ATP6V1A: variants seen among roughly 807,000 people sequenced by gnomAD.
ATP6V1A encodes the protein V-type proton ATPase catalytic subunit A.
Under a neutral mutation model 70.1 loss-of-function variants are expected in ATP6V1A, and 18 were observed. That is an observed-to-expected ratio of 0.26 (90% CI 0.18 to 0.38). ATP6V1A has a LOEUF of 0.38. Ranked by LOEUF, ATP6V1A falls within the 10% of genes least tolerant of loss-of-function variation. The pLI is 1.00. For synonymous variants in ATP6V1A, 232 were observed against 253.8 expected (o/e 0.91, Z 0.82); for missense variants, 424 against 772.4 (o/e 0.55, Z 5.35).
intron 1 of ATP6V1A, among the ~76,000 whole-genome samples, chr3:113,750,814 A>T (rs1014221303): frequency 5.9e-5 from 9 of 152,336 alleles, no homozygotes; most frequent in Admixed American, 2.0e-4. Flanking sequence ...CACAGAATTG[A>T]CTGATGTCCC....
At chr3:113,784,095 G>A (rs1559756030) in intron 3 of ATP6V1A, 129 bp from the exon 4 acceptor site, 6 of 800,742 alleles carry the variant, frequency 7.5e-6, no homozygotes, top group South Asian at 5.3e-5. Flanking sequence ...TATGAATCCT[G>A]TGAACTGAGA....
chr3:113,756,971 CTTTA>C (rs1388433285), intron 1 of ATP6V1A, among the ~76,000 whole-genome samples: 1 of 152,074 alleles, frequency 6.6e-6, no homozygotes, highest in African/African-American at 2.4e-5. Context: ...TAGCGAGGAG[CTTTA>C]TTTAGATGAG....
intron 1 of ATP6V1A, among the ~76,000 whole-genome samples, chr3:113,751,424 GGAAA>G (rs1277757385): frequency 2.6e-5 from 4 of 151,376 alleles, no homozygotes; most frequent in Non-Finnish European, 4.4e-5. Flanking sequence ...TTTGTCTTAA[GGAAA>G]GATTTTATTA....
intron 6 of ATP6V1A, among the ~76,000 whole-genome samples, chr3:113,788,176 G>T (rs1218106543): frequency 6.6e-6 from 1 of 152,266 alleles, no homozygotes; most frequent in Non-Finnish European, 1.5e-5. Flanking sequence ...GTCTCCCAAA[G>T]CATTGGGATT....
intron 3 of ATP6V1A, 62 bp from the exon 4 acceptor site, chr3:113,784,162 T>C: frequency 6.8e-7 from 1 of 1,461,580 alleles, no homozygotes; most frequent in South Asian, 1.2e-5. Context: ...TAAACTGTGG[T>C]ATTTCCTGTT....
intron 1 of ATP6V1A, among the ~76,000 whole-genome samples, chr3:113,770,773 G>C (rs1040312357): frequency 5.3e-5 from 8 of 151,880 alleles, no homozygotes; most frequent in Non-Finnish European, 8.8e-5. Context: ...TCATATCATA[G>C]TTTGGACCTT....
intron 5 of ATP6V1A, among the ~76,000 whole-genome samples, chr3:113,785,312 C>T (rs550153515): frequency 1.3e-5 from 2 of 152,040 alleles, no homozygotes; most frequent in South Asian, 2.1e-4. Flanking sequence ...TGGTGGCGCA[C>T]GCCTGTAATC....
intron 1 of ATP6V1A, among the ~76,000 whole-genome samples, chr3:113,774,015 T>C (rs1021017000): frequency 3.3e-5 from 5 of 151,852 alleles, no homozygotes; most frequent in African/African-American, 4.8e-5. Context: ...AAAAATACAG[T>C]TGGTCTTAGA....
intron 8 of ATP6V1A, among the ~76,000 whole-genome samples, chr3:113,791,394 GTTTT>G (rs199753308): frequency 7.2e-6 from 1 of 138,708 alleles, no homozygotes; most frequent in Non-Finnish European, 1.6e-5. Context: ...CATTATTAGG[GTTTT>G]TTTTTTTTTT....
intron 8 of ATP6V1A, 98 bp downstream of exon 8, chr3:113,789,938 T>G: frequency 1.1e-6 from 1 of 883,466 alleles, no homozygotes; most frequent in Non-Finnish European, 1.8e-6. Context: ...CATTCTAAAA[T>G]ATCTCTGTAC....
Position 113,811,347 on chromosome 3 carries a change from G to A in ATP6V1A, c.*1920G>A, listed in dbSNP as rs1709339511. 6.6e-6 allele frequency: 1 copy of A among 152,562 alleles called. No homozygotes were observed. The highest frequency in any genetic ancestry group is 1.5e-5 in the Non-Finnish European group (1 of 68,020). 9.5% of individuals were successfully genotyped at this position (152,562 alleles called of 1,614,324 possible). On this transcript the variant is annotated 3_prime_UTR_variant, in exon 15 of 15. Transcript: ENST00000273398. ...CATGTTTTTACAGTGGCCTGCTATT[G>A]AGGAAAGGTATTCTTCTATACAACT...
intron 3 of ATP6V1A, among the ~76,000 whole-genome samples, 187 bp from the exon 4 acceptor site, chr3:113,784,037 T>C (rs1206091063): frequency 6.6e-6 from 1 of 152,248 alleles, no homozygotes; most frequent in Admixed American, 6.5e-5. Context: ...ATGCAAGTGT[T>C]AGATATATCT....
chr3:113,771,370 G>A (rs1468461866), intron 1 of ATP6V1A, among the ~76,000 whole-genome samples: 1 of 150,144 alleles, frequency 6.7e-6, no homozygotes, highest in African/African-American at 2.5e-5. Flanking sequence ...ACCATAGTAT[G>A]TCTACCTGAT....
intron 1 of ATP6V1A, among the ~76,000 whole-genome samples, chr3:113,749,507 G>C (rs1708561559): frequency 6.6e-6 from 1 of 151,810 alleles, no homozygotes; most frequent in Non-Finnish European, 1.5e-5. Flanking sequence ...ATAGATTTTT[G>C]CCACCACTAA....
At chr3:113,752,323 C>T (rs1417252511) in intron 1 of ATP6V1A, among the ~76,000 whole-genome samples, 1 of 150,190 alleles carries the variant, frequency 6.7e-6, no homozygotes, top group African/African-American at 2.4e-5. Flanking sequence ...TTGGAAAATA[C>T]CTTTAAAATT....
chr3:113,792,245 C>A (rs1709103058), intron 8 of ATP6V1A, among the ~76,000 whole-genome samples: 1 of 152,148 alleles, frequency 6.6e-6, no homozygotes, highest in Non-Finnish European at 1.5e-5. Flanking sequence ...CTATTGGATT[C>A]TTTATCGTCG....
chr3:113,747,270 C>T (rs77913336), intron 1 of ATP6V1A, 157 bp downstream of exon 1: 2,561 of 152,390 alleles, frequency 0.017, 39 homozygotes, highest in Admixed American at 0.035. Context: ...CTCCTTAACC[C>T]CCGCTCCCCC....
chr3:113,806,519 C>T (rs889709738), intron 14 of ATP6V1A, among the ~76,000 whole-genome samples: 3 of 151,636 alleles, frequency 2.0e-5, no homozygotes, highest in Non-Finnish European at 2.9e-5. Context: ...AGTACAGTGG[C>T]ACAATCTCGG....
intron 1 of ATP6V1A, among the ~76,000 whole-genome samples, chr3:113,755,704 A>T (rs1391737116): frequency 6.6e-6 from 1 of 152,330 alleles, no homozygotes; most frequent in East Asian, 1.9e-4. Flanking sequence ...TCATTTACTC[A>T]TCCAACAATA....
Sources: gnomAD v4.1 joint callset for allele counts (sites outside exome capture counted in the v4.1 genomes callset) on GRCh38, gnomAD v4.1.1 for gene constraint, MANE v1.5 for transcripts, NCBI Gene and HGNC (gene_info 2026-07-23, HGNC 2026-07-21) for gene names.